Variants in STPG2 observed in about 807,000 individuals in gnomAD.
STPG2 encodes the protein sperm tail PG-rich repeat containing 2.
STPG2 carries 56 observed loss-of-function variants against 54.2 expected under a neutral mutation model. The ratio of observed to expected loss-of-function variants is 1.03; its 90% CI spans 0.83 to 1.29. STPG2 has a LOEUF of 1.29. STPG2 is among the 50% of genes most tolerant of loss of function. STPG2 has a pLI of 0.00. For synonymous variants in STPG2, 200 were observed against 181.8 expected (o/e 1.10, Z -0.81); for missense variants, 596 against 544.9 (o/e 1.09, Z -0.93).
chr4:98,000,748 T>C (rs987664805), intron 5 of STPG2, among the ~76,000 whole-genome samples: 1 of 152,192 alleles, frequency 6.6e-6, no homozygotes, highest in Non-Finnish European at 1.5e-5. Context: ...AATAATACCA[T>C]TGCAAGTGTC....
chr4:97,480,877 T>C (rs749765844), intron 4 of STPG2, among the ~76,000 whole-genome samples: 25 of 151,650 alleles, frequency 1.6e-4, no homozygotes, highest in Non-Finnish European at 2.2e-4. Flanking sequence ...TGTTTTATTA[T>C]TTTCTCTAAG....
chr4:97,606,200 T>G (rs1733588291), intron 10 of STPG2, among the ~76,000 whole-genome samples: 1 of 151,890 alleles, frequency 6.6e-6, no homozygotes, highest in African/African-American at 2.4e-5. Context: ...CATCATTGTA[T>G]GTGTTCTTAA....
At chr4:97,819,081 C>A (rs548051861) in intron 9 of STPG2, among the ~76,000 whole-genome samples, 6 of 151,212 alleles carry the variant, frequency 4.0e-5, no homozygotes, top group South Asian at 4.2e-4. Context: ...TCTATCATTT[C>A]GAATAAAGAT....
intron 9 of STPG2, among the ~76,000 whole-genome samples, chr4:97,766,529 G>C (rs960336341): frequency 2.6e-5 from 4 of 151,970 alleles, no homozygotes; most frequent in African/African-American, 9.7e-5. Flanking sequence ...TCTATCTACA[G>C]TCTATGTGTA....
chr4:98,014,458 G>A (rs747718616), intron 5 of STPG2, among the ~76,000 whole-genome samples: 34 of 152,104 alleles, frequency 2.2e-4, no homozygotes, highest in Admixed American at 1.2e-3. Context: ...TGGATACCTC[G>A]GTTGCCAGTG....
intron 10 of STPG2, among the ~76,000 whole-genome samples, chr4:97,674,915 C>T (rs994112386): frequency 1.3e-5 from 2 of 152,114 alleles, no homozygotes; most frequent in Non-Finnish European, 2.9e-5. Context: ...TCTACAGTGC[C>T]TCTTACTAAC....
chr4:97,508,842 C>T (rs1730908745), intron 4 of STPG2, among the ~76,000 whole-genome samples: 2 of 152,014 alleles, frequency 1.3e-5, no homozygotes, highest in Admixed American at 1.3e-4. Context: ...GTGCTTTATA[C>T]TAGAGGGCCA....
At chr4:97,794,714 A>G (rs1028608329) in intron 9 of STPG2, among the ~76,000 whole-genome samples, 2 of 152,166 alleles carry the variant, frequency 1.3e-5, no homozygotes, top group African/African-American at 2.4e-5. Flanking sequence ...TATAGCTTCT[A>G]CTATAAAAGA....
At chr4:97,961,832 T>C (rs1266068378) in intron 7 of STPG2, among the ~76,000 whole-genome samples, 1 of 152,210 alleles carries the variant, frequency 6.6e-6, no homozygotes, top group African/African-American at 2.4e-5. Context: ...AGAACTACCA[T>C]TTGATCCAGC....
At chr4:98,041,329 G>C (rs982787386) in intron 5 of STPG2, among the ~76,000 whole-genome samples, 8 of 151,874 alleles carry the variant, frequency 5.3e-5, no homozygotes, top group African/African-American at 1.9e-4. Context: ...TCTGTCTCTT[G>C]CCTGATTGCT....
In STPG2 at chr4:97,607,984, C is replaced by CT. The variant is rs1222083747; in HGVS notation, c.1321-48868dup. 2.0e-5 allele frequency among the ~76,000 whole-genome samples: 3 copies of CT among 152,122 alleles called. No individual in the cohort carries two copies. The South Asian group carries it at 6.2e-4, about 32-fold the overall frequency. ...ATTCAATACACGTGGGAACTATTCT[C>CT]TTTTCCCTGTCCATACTTCCCATCC... On this transcript the variant is annotated intron_variant, in intron 10 of 10. Coordinates refer to ENST00000295268, the MANE Select transcript of STPG2 (RefSeq NM_174952.3).
chr4:98,023,201 G>C (rs1736287665), intron 5 of STPG2, among the ~76,000 whole-genome samples: 2 of 152,106 alleles, frequency 1.3e-5, no homozygotes, highest in African/African-American at 4.8e-5. Flanking sequence ...TTTTGGGGTG[G>C]ATGTCCTTTC....
chr4:97,786,527 G>A (rs903197944), intron 9 of STPG2, among the ~76,000 whole-genome samples: 1 of 152,076 alleles, frequency 6.6e-6, no homozygotes, highest in Non-Finnish European at 1.5e-5. Context: ...GCAGTCACTT[G>A]CAGTCAAGTG....
At chr4:98,122,782 T>C (rs1578181376) in intron 3 of STPG2, among the ~76,000 whole-genome samples, 4 of 152,204 alleles carry the variant, frequency 2.6e-5, no homozygotes, top group Admixed American at 2.6e-4. Flanking sequence ...GTACCTCTAG[T>C]AGAATTTAGC....
Position 97,953,706 on chromosome 4 carries a change from T to A in STPG2, c.934-9699A>T, listed in dbSNP as rs1406042916. Among the ~76,000 whole-genome samples, 5 of 152,324 alleles carry A rather than the reference T, an allele frequency of 3.3e-5. No individual in the cohort carries two copies. In the East Asian group the frequency reaches 7.7e-4, roughly 23 times the overall value. On this transcript the variant is annotated intron_variant, in intron 7 of 10. Coordinates refer to ENST00000295268, the MANE Select transcript of STPG2 (RefSeq NM_174952.3). ...GTTAAGGTGTTCCCCCATGGGCAGATTGCCAGGTTCCCCAGTTGGGGTGTG... is the reference window on the plus strand; with the variant it reads ...GTTAAGGTGTTCCCCCATGGGCAGAATGCCAGGTTCCCCAGTTGGGGTGTG...
At chr4:97,778,134 C>T (rs973127371) in intron 9 of STPG2, among the ~76,000 whole-genome samples, 11 of 152,166 alleles carry the variant, frequency 7.2e-5, no homozygotes, top group Admixed American at 2.6e-4. Context: ...ACCTGGGAAG[C>T]GCAAGGGGTC....
In STPG2 at chr4:97,502,655, T is replaced by C. The variant is rs139002400; in HGVS notation, c.462+210044A>G. Among the ~76,000 whole-genome samples, 43 of 151,850 alleles carry C rather than the reference T, an allele frequency of 2.8e-4. 1 individual carries two copies. The East Asian group carries it at 8.2e-3, about 29-fold the overall frequency. Reference sequence around the variant, plus strand: ...TTAGTAAAGAAATGGTGGTAAATATTGAATTTATTTAGAAAACTAGAGCAA... The same window carrying C: ...TTAGTAAAGAAATGGTGGTAAATATCGAATTTATTTAGAAAACTAGAGCAA... On this transcript the variant is annotated intron_variant, in intron 4 of 4. Coordinates refer to the STPG2 transcript ENST00000522676.
At chr4:98,049,067 GA>G (rs1319623808) in intron 5 of STPG2, 3 of 152,014 alleles carry the variant, frequency 2.0e-5, no homozygotes, top group East Asian at 1.9e-4. Flanking sequence ...AATAGTAAAT[GA>G]AAAAATTATA....
chr4:97,539,259 A>C (rs1177987769), intron 4 of STPG2, among the ~76,000 whole-genome samples: 1 of 152,234 alleles, frequency 6.6e-6, no homozygotes, highest in Non-Finnish European at 1.5e-5. Context: ...AATTGGATAA[A>C]GAGTCAAGAC....
Sources: allele counts gnomAD v4.1 joint callset (sites outside exome capture counted in the v4.1 genomes callset), GRCh38; gene constraint gnomAD v4.1.1; transcripts MANE v1.5; gene names NCBI Gene and HGNC (gene_info 2026-07-23, HGNC 2026-07-21).